The following NSL1 variants were observed in gnomAD, a reference collection of about 807,000 sequenced individuals.
NSL1 encodes the protein kinetochore-associated protein NSL1 homolog.
NSL1 carries 11 observed loss-of-function variants against 25.4 expected under a neutral mutation model. The observed-to-expected ratio is 0.43, with a 90% CI of 0.27 to 0.72. NSL1 has a LOEUF of 0.72. NSL1 is among the 30% of genes least tolerant of loss of function. The pLI is 0.19. For missense variants in NSL1, 330 were observed against 342.7 expected, an observed-to-expected ratio of 0.96 and a Z score of 0.29; for synonymous variants, 118 against 120.6, an observed-to-expected ratio of 0.98 and a Z score of 0.14.
intron 4 of NSL1, among the ~76,000 whole-genome samples, chr1:212,781,703 T>A (rs929672580): frequency 5.9e-5 from 9 of 152,224 alleles, no homozygotes; most frequent in Non-Finnish European, 1.3e-4. Context: ...TTTAGAAATG[T>A]CATTTTAAGT....
chr1:212,738,346 TTAG>T lies in NSL1; in HGVS notation c.*59_*61del. 2.6e-6 allele frequency: 4 copies of T among 1,543,440 alleles called. No homozygotes were observed. The highest frequency in any genetic ancestry group is 2.3e-5 in the East Asian group (1 of 44,430). On this transcript the variant is annotated 3_prime_UTR_variant, in exon 6 of 6. Coordinates refer to ENST00000366977, the MANE Select transcript of NSL1 (RefSeq NM_015471.4). Reference sequence around the variant, plus strand: ...AAATGAAGTCTTATCTAGGTATTAATTAGGCTGTAATCTAAATGTTGATGGTGC... The same window carrying T: ...AAATGAAGTCTTATCTAGGTATTAATGCTGTAATCTAAATGTTGATGGTGC...
At chr1:212,775,834 T>G (rs1043464234) in intron 4 of NSL1, among the ~76,000 whole-genome samples, 1 of 145,308 alleles carries the variant, frequency 6.9e-6, no homozygotes, top group Non-Finnish European at 1.6e-5. Flanking sequence ...GTGGTTTTTT[T>G]TTGTTTTTTT....
intron 4 of NSL1, among the ~76,000 whole-genome samples, chr1:212,774,565 G>A (rs1571907669): frequency 1.3e-5 from 2 of 152,122 alleles, no homozygotes; most frequent in African/African-American, 4.8e-5. Flanking sequence ...TATACAGATG[G>A]CCAATAAGCA....
At chr1:212,783,284 A>T (rs1181985725) in intron 3 of NSL1, among the ~76,000 whole-genome samples, 1 of 152,094 alleles carries the variant, frequency 6.6e-6, no homozygotes, top group Non-Finnish European at 1.5e-5. Flanking sequence ...AATATTGATT[A>T]CTAGTTTTGG....
At chr1:212,788,987 T>C (rs567920716) in intron 1 of NSL1, among the ~76,000 whole-genome samples, 5 of 152,122 alleles carry the variant, frequency 3.3e-5, no homozygotes, top group Non-Finnish European at 7.4e-5. Flanking sequence ...CCAAGTACTC[T>C]CCAAAATAGT....
chr1:212,744,699 A>G (rs892482272), intron 4 of NSL1, among the ~76,000 whole-genome samples: 3 of 152,232 alleles, frequency 2.0e-5, no homozygotes, highest in African/African-American at 7.2e-5. Context: ...TTCTGGAGCT[A>G]AAAAGTATAA....
intron 3 of NSL1, 65 bp downstream of exon 3, chr1:212,784,298 C>T (rs959131652): frequency 7.2e-5 from 81 of 1,130,496 alleles, no homozygotes; most frequent in Non-Finnish European, 9.4e-5. Context: ...CACGTAGAGC[C>T]TTATATTTTA....
intron 4 of NSL1, among the ~76,000 whole-genome samples, chr1:212,779,788 G>A (rs1235661348): frequency 1.5e-5 from 2 of 131,216 alleles, no homozygotes; most frequent in African/African-American, 2.9e-5. Context: ...AGGTGGGGGG[G>A]TCAGCCCCCC....
At chr1:212,784,564 GT>G (rs1253023348) in intron 2 of NSL1, 71 bp from the exon 3 acceptor site, 2 of 942,794 alleles carry the variant, frequency 2.1e-6, no homozygotes, top group East Asian at 5.5e-5. Flanking sequence ...GTATGGAAAT[GT>G]GCTATAAACT....
chr1:212,748,412 G>A (rs1254131851), intron 4 of NSL1, among the ~76,000 whole-genome samples: 1 of 152,112 alleles, frequency 6.6e-6, no homozygotes, highest in Non-Finnish European at 1.5e-5. Context: ...TATAAATGTG[G>A]TATAAGAATG....
rs532313864 is a variant in NSL1, at chr1:212,730,237, CAAAAAAAAAAAAAAAAAAA to C, written c.*8152_*8170del. On this transcript the variant is annotated 3_prime_UTR_variant, in exon 6 of 6. Transcript: ENST00000366977. ...TACACTCCAGCCTGGGTGACAGTCTCAAAAAAAAAAAAAAAAAAAAAAAAAAAAGAAATGCGCCAAGTCT... is the reference window on the plus strand; with the variant it reads ...TACACTCCAGCCTGGGTGACAGTCTCAAAAAAAAAGAAATGCGCCAAGTCT... 59 of 603,940 alleles carry C rather than the reference CAAAAAAAAAAAAAAAAAAA, an allele frequency of 9.8e-5. No homozygotes were observed. Among genetic ancestry groups the C allele is most frequent in the Non-Finnish European group, 1.1e-4 (58 of 539,492 alleles). The allele number at this position is 603,940 out of a possible 1,614,324, so 37.4% of individuals were successfully genotyped here.
chr1:212,785,921 T>A (rs962032235), intron 2 of NSL1, among the ~76,000 whole-genome samples: 1 of 152,218 alleles, frequency 6.6e-6, no homozygotes, highest in Non-Finnish European at 1.5e-5. Context: ...TATATACATA[T>A]CAGATAATCA....
chr1:212,761,877 G>A (rs1402459524), intron 4 of NSL1, among the ~76,000 whole-genome samples: 3 of 151,252 alleles, frequency 2.0e-5, no homozygotes, highest in Admixed American at 1.3e-4. Context: ...AGACTAGATC[G>A]GGGTGTCCAA....
At chr1:212,775,747 A>G (rs1660331861) in intron 4 of NSL1, among the ~76,000 whole-genome samples, 1 of 152,212 alleles carries the variant, frequency 6.6e-6, no homozygotes, top group African/African-American at 2.4e-5. Flanking sequence ...TTCAAGAAAC[A>G]ACTTACAAAA....
chr1:212,741,960 T>C (rs1459677066), intron 4 of NSL1, among the ~76,000 whole-genome samples: 6 of 152,202 alleles, frequency 3.9e-5, no homozygotes, highest in Non-Finnish European at 7.3e-5. Context: ...CACTGGGTCC[T>C]GCACAGTTCT....
At chr1:212,765,632 T>G (rs972710005) in intron 4 of NSL1, among the ~76,000 whole-genome samples, 2 of 151,224 alleles carry the variant, frequency 1.3e-5, no homozygotes, top group African/African-American at 4.9e-5. Flanking sequence ...ACCAGCCTGG[T>G]CAATATGGTG....
In NSL1 at chr1:212,732,001, CTT is replaced by C. The variant is rs1028682045; in HGVS notation, c.*6405_*6406del. 1.0e-6 allele frequency: 1 copy of C among 984,704 alleles called. No homozygotes were observed. Among genetic ancestry groups the C allele is most frequent in the Non-Finnish European group, 1.2e-6 (1 of 829,798 alleles). The allele number at this position is 984,704 out of a possible 1,614,324, so 61.0% of individuals were successfully genotyped here. The stretch of plus-strand genomic sequence containing the variant: ...GCTGTACTAATTGCTAATTCCCATC[CTT>C]TAGCCTCCCAGTGTAACTGTCCCAA... On this transcript the variant is annotated 3_prime_UTR_variant, in exon 6 of 6. Coordinates refer to ENST00000366977, the MANE Select transcript of NSL1 (RefSeq NM_015471.4).
chr1:212,760,709 G>A lies in NSL1; in HGVS notation c.500-21108C>T, dbSNP rs759030174. 1.3e-5 allele frequency among the ~76,000 whole-genome samples: 2 copies of A among 152,042 alleles called. No homozygotes were observed. The highest frequency in any genetic ancestry group is 2.9e-5 in the Non-Finnish European group (2 of 68,002). On this transcript the variant is annotated intron_variant, in intron 4 of 5. Coordinates refer to ENST00000366977, the MANE Select transcript of NSL1 (RefSeq NM_015471.4). This position sits in a 1 kb window ranked among gnomAD's most constrained non-coding sequence, Gnocchi z 4.3. ...CACCAACACCACGCATACTGCCCAG[G>A]GACTCATGAAACCACCTGCCTGCCC...
rs1394638809 is a variant in NSL1 at position 212,729,407 on chromosome 1, T to C, written c.*9001A>G. On this transcript the variant is annotated 3_prime_UTR_variant, in exon 6 of 6. Transcript: ENST00000366977. ...GCTCTTAGCACAGTATTTAGATTCA[T>C]CGAGTATGTGTGTAATAAAAGGTGT... The C allele has an allele frequency of 2.0e-6, 2 of 984,376 alleles. No homozygotes were observed. The highest frequency in any genetic ancestry group is 2.4e-6 in the Non-Finnish European group (2 of 829,094). The allele number at this position is 984,376 out of a possible 1,614,324, so 61.0% of individuals were successfully genotyped here.
Sources: gnomAD v4.1 joint callset for allele counts (sites outside exome capture counted in the v4.1 genomes callset) on GRCh38, gnomAD v4.1.1 for gene constraint, Gnocchi (gnomAD v3.1) non-coding constraint, MANE v1.5 for transcripts, NCBI Gene and HGNC (gene_info 2026-07-23, HGNC 2026-07-21) for gene names.